The following MSANTD2 variants were observed in gnomAD, a reference collection of about 807,000 sequenced individuals.
MSANTD2 encodes myb/SANT-like DNA-binding domain-containing protein 2.
A neutral mutation model predicts 52.6 loss-of-function variants in MSANTD2; 19 were observed. The ratio of observed to expected loss-of-function variants is 0.36; its 90% CI spans 0.25 to 0.53. The LOEUF is 0.53. Ranked by LOEUF, MSANTD2 falls within the 20% of genes least tolerant of loss-of-function variation. The pLI, the probability that MSANTD2 is intolerant of heterozygous loss-of-function variation, is 0.91. For missense variants in MSANTD2, 558 were observed against 716.3 expected, an observed-to-expected ratio of 0.78 and a Z score of 2.52; for synonymous variants, 291 against 289.7, an observed-to-expected ratio of 1.00 and a Z score of -0.04.
At chr11:124,799,426 T>C (rs1028351118) in intron 1 of MSANTD2, among the ~76,000 whole-genome samples, 4 of 152,158 alleles carry the variant, frequency 2.6e-5, no homozygotes, top group African/African-American at 9.7e-5. Flanking sequence ...ACTTATTAAC[T>C]ATTCCTAAAC....
intron 1 of MSANTD2, among the ~76,000 whole-genome samples, chr11:124,798,382 T>A (rs939341367): frequency 3.3e-5 from 5 of 151,688 alleles, no homozygotes; most frequent in Non-Finnish European, 5.9e-5. Context: ...TATAAATAAA[T>A]AAAAATTAAA....
intron 1 of MSANTD2, chr11:124,792,548 C>T (rs1018071068): frequency 6.6e-6 from 1 of 152,242 alleles, no homozygotes; most frequent in Non-Finnish European, 1.5e-5. Flanking sequence ...AGTCCACCTT[C>T]ACCCTTCAGG....
Position 124,800,208 on chromosome 11 carries a change from G to A in MSANTD2, c.173C>T (p.Ser58Leu), listed in dbSNP as rs768413495. 21 of 1,480,114 alleles carry A rather than the reference G, an allele frequency of 1.4e-5. No homozygotes were observed. In the African/African-American group the frequency reaches 2.6e-4, roughly 19 times the overall value. 91.7% of individuals were successfully genotyped at this position (1,480,114 alleles called of 1,614,324 possible). The change falls in exon 1 of 4, where the codon TCG (serine) becomes TTG (leucine). Residue 58 changes from serine to leucine, a missense_variant. This residue lies in a region of MSANTD2 where 150 missense variants were observed against 142.7 expected (regional missense o/e 1.05). Transcript: ENST00000374979. The surrounding 1 kb of genome is among the most constrained non-coding windows in gnomAD (Gnocchi z 4.3). ...SPLGPGSAAG[S>L]GAAASGGLGL... ...GAGACCCCCGGACGCCGCTGCCCCC[G>A]AGCCCGCCGCACTGCCCGGCCCGAG...
At chr11:124,772,839 T>C (rs1944587362) in intron 3 of MSANTD2, among the ~76,000 whole-genome samples, 155 bp downstream of exon 3, 1 of 152,122 alleles carries the variant, frequency 6.6e-6, no homozygotes, top group Non-Finnish European at 1.5e-5. Context: ...CTAATAGCTT[T>C]AAGTGAGTCC....
intron 1 of MSANTD2, 109 bp downstream of exon 1, chr11:124,799,762 C>G (rs1359733866): frequency 1.4e-6 from 1 of 738,508 alleles, no homozygotes; most frequent in African/African-American, 1.9e-5. Context: ...AATCGCCCAC[C>G]GGGCCCCGGA....
At chr11:124,794,274 T>C (rs572338559) in intron 1 of MSANTD2, among the ~76,000 whole-genome samples, 1 of 152,314 alleles carries the variant, frequency 6.6e-6, no homozygotes, top group South Asian at 2.1e-4. Context: ...TGCCAGAAAA[T>C]AAACCCAGAA....
chr11:124,774,810 C>T lies in MSANTD2; in HGVS notation c.675G>A (p.Glu225=). ...AGTCCTCCATAGTGCTGCCATCTGA[C>T]TCCAGCTCCTGGTACAAGCCACTAC... is the stretch of plus-strand genomic sequence containing the variant. ...INSSGLYQEL[E]SDGSTMEDYS... The change falls in exon 2 of 4, where the codon GAG becomes GAA. Residue 225 remains glutamate (E), a synonymous_variant. Transcript: ENST00000374979. This position sits in a 1 kb window ranked among gnomAD's most constrained non-coding sequence, Gnocchi z 5.1. 1 of 1,614,194 alleles carries T rather than the reference C, an allele frequency of 6.2e-7. No homozygotes were observed. The highest frequency in any genetic ancestry group is 1.6e-4 in the Middle Eastern group (1 of 6,062).
chr11:124,791,204 AC>A, intron 1 of MSANTD2: 1 of 1,223,248 alleles, frequency 8.2e-7, no homozygotes. Flanking sequence ...CATGTGAGGG[AC>A]ATTTGGAGAA....
intron 1 of MSANTD2, among the ~76,000 whole-genome samples, chr11:124,794,268 A>G (rs1238024635): frequency 6.6e-6 from 1 of 152,256 alleles, no homozygotes; most frequent in Non-Finnish European, 1.5e-5. Flanking sequence ...CCAAAATGCC[A>G]GAAAATAAAC....
intron 1 of MSANTD2, among the ~76,000 whole-genome samples, chr11:124,781,424 A>C (rs1052829450): frequency 6.6e-6 from 1 of 152,210 alleles, no homozygotes; most frequent in African/African-American, 2.4e-5. Context: ...TAACAACTTA[A>C]AACAGAAAAA....
At chr11:124,784,218 A>C (rs1173962810) in intron 1 of MSANTD2, 1 of 984,880 alleles carries the variant, frequency 1.0e-6, no homozygotes, top group Non-Finnish European at 1.2e-6. Context: ...TTTTCATTTG[A>C]CCTCCTACAT....
rs1944648909 is a variant in MSANTD2 at position 124,774,132 on chromosome 11, T to C, written c.766+587A>G. Among the ~76,000 whole-genome samples, 2 of 152,222 alleles carry C rather than the reference T, an allele frequency of 1.3e-5. No individual in the cohort carries two copies. The highest frequency in any genetic ancestry group is 2.9e-5 in the Non-Finnish European group (2 of 68,040). On this transcript the variant is annotated intron_variant, in intron 2 of 3. Coordinates refer to ENST00000374979, the MANE Select transcript of MSANTD2 (RefSeq NM_001308027.2). This position sits in a 1 kb window ranked among gnomAD's most constrained non-coding sequence, Gnocchi z 5.1. ...AATTCCAGCTACTGTTGGGATGCGA[T>C]CCCTTAAGAAGTGTGAAGGAACATG...
chr11:124,796,518 C>T (rs1945499033), intron 1 of MSANTD2, among the ~76,000 whole-genome samples: 1 of 152,118 alleles, frequency 6.6e-6, no homozygotes, highest in South Asian at 2.1e-4. Flanking sequence ...ATGATCATGG[C>T]ACACTGCAGC....
chr11:124,770,326 T>G (rs1456372266), intron 3 of MSANTD2, among the ~76,000 whole-genome samples: 4 of 140,160 alleles, frequency 2.9e-5, no homozygotes, highest in African/African-American at 1.2e-4. Flanking sequence ...TTTTTTTTTT[T>G]TGGAGACAGG....
chr11:124,786,397 C>T (rs1003255680), intron 1 of MSANTD2, among the ~76,000 whole-genome samples: 11 of 152,176 alleles, frequency 7.2e-5, no homozygotes, highest in African/African-American at 2.4e-4. Context: ...CTCTAAGAAG[C>T]ACCCAAACCA....
At position 124,786,425 on chromosome 11, in the gene MSANTD2, C is replaced by T. The variant is rs527549943; in HGVS notation, c.511-11451G>A. Among the ~76,000 whole-genome samples the T allele has an allele frequency of 5.9e-5, 9 of 152,324 alleles. No individual in the cohort carries two copies. The South Asian group carries it at 1.4e-3, about 25-fold the overall frequency. ...CCAAACCATTTACACATTAGGTAAA[C>T]AATGGCAGGCATAAGGTAGTGAACA... On this transcript the variant is annotated intron_variant, in intron 1 of 3. Coordinates refer to ENST00000374979, the MANE Select transcript of MSANTD2 (RefSeq NM_001308027.2).
intron 1 of MSANTD2, chr11:124,791,100 G>T: frequency 3.3e-6 from 2 of 614,946 alleles, no homozygotes; most frequent in Non-Finnish European, 5.9e-6. Flanking sequence ...GGACCAAGAA[G>T]TGAACTATTC....
In MSANTD2 at chr11:124,799,851, C is replaced by A. The variant is rs1591485314; in HGVS notation, c.510+20G>T. ...TCTCTCTGCCTCTGGTTCGCTGCCC[C>A]AGGCCGGGCGGCCGGTTACCTTGAT... On this transcript the variant is annotated intron_variant, in intron 1 of 3. Transcript: ENST00000374979. 1 of 1,561,440 alleles carries A rather than the reference C, an allele frequency of 6.4e-7. No homozygotes were observed. Among genetic ancestry groups the A allele is most frequent in the East Asian group, 2.4e-5 (1 of 41,750 alleles).
chr11:124,793,237 T>G (rs910148443), intron 1 of MSANTD2, among the ~76,000 whole-genome samples: 3 of 152,214 alleles, frequency 2.0e-5, no homozygotes, highest in Admixed American at 6.5e-5. Context: ...CAGCAAAAAT[T>G]TCAAGAGACA....
Sources: gnomAD v4.1 joint callset for allele counts (sites outside exome capture counted in the v4.1 genomes callset) on GRCh38, gnomAD v4.1.1 for gene constraint, gnomAD v4.1.1 regional missense constraint, Gnocchi (gnomAD v3.1) non-coding constraint, MANE v1.5 for transcripts, NCBI Gene and HGNC (gene_info 2026-07-23, HGNC 2026-07-21) for gene names.